The following TCF7L1 variants were observed in gnomAD, a reference collection of about 807,000 sequenced individuals.
The protein encoded by TCF7L1 is transcription factor 7 like 1, also known as transcription factor 7-like 1.
In TCF7L1, 18 loss-of-function variants were observed where a neutral mutation model predicts 63.7. That is an observed-to-expected ratio of 0.28 (90% CI 0.20 to 0.42). TCF7L1 has a LOEUF of 0.42. Among genes scored for constraint, TCF7L1 ranks in the 10% least tolerant of loss-of-function variants. The pLI is 1.00. For synonymous variants in TCF7L1, 355 were observed against 340.9 expected, an observed-to-expected ratio of 1.04 and a Z score of -0.46; for missense variants, 654 against 779.3, an observed-to-expected ratio of 0.84 and a Z score of 1.91.
rs1680831109 is a variant in TCF7L1, at chr2:85,260,381, A to T, written c.442-23114A>T. Among the ~76,000 whole-genome samples the T allele has an allele frequency of 4.6e-5, 7 of 152,120 alleles. No individual in the cohort carries two copies. In the South Asian group the frequency reaches 1.2e-3, roughly 27 times the overall value. ...GCCGGACGCAGTGGCTCATGTCTGT[A>T]ATCCCAACATTTTGGGAGGTTGAGG... On this transcript the variant is annotated intron_variant, in intron 3 of 11. Coordinates refer to ENST00000282111, the MANE Select transcript of TCF7L1 (RefSeq NM_031283.3).
chr2:85,275,512 A>G (rs1681250429), intron 3 of TCF7L1, among the ~76,000 whole-genome samples: 1 of 152,196 alleles, frequency 6.6e-6, no homozygotes, highest in African/African-American at 2.4e-5. Context: ...TTTACTATTC[A>G]GTTATGAAAT....
intron 3 of TCF7L1, among the ~76,000 whole-genome samples, chr2:85,190,190 G>A (rs1679013483): frequency 6.6e-6 from 1 of 152,174 alleles, no homozygotes; most frequent in Admixed American, 6.5e-5. Context: ...TATAGCCCCA[G>A]GCACACTGAT....
chr2:85,163,489 A>C (rs941011904), intron 3 of TCF7L1, among the ~76,000 whole-genome samples: 2 of 152,134 alleles, frequency 1.3e-5, no homozygotes, highest in African/African-American at 4.8e-5. Flanking sequence ...CTCCGAACAG[A>C]ATCTAATTTC....
chr2:85,183,070 G>A (rs1192398357), intron 3 of TCF7L1, among the ~76,000 whole-genome samples: 1 of 152,156 alleles, frequency 6.6e-6, no homozygotes, highest in Non-Finnish European at 1.5e-5. Flanking sequence ...TTCACTCCAA[G>A]GAAGCCTGAG....
chr2:85,307,815 G>A (rs1015400951), intron 11 of TCF7L1, 98 bp downstream of exon 11: 2 of 1,147,726 alleles, frequency 1.7e-6, no homozygotes, highest in Non-Finnish European at 2.6e-6. Flanking sequence ...CAGGGCTTCT[G>A]CCTCGGTATT....
Position 85,157,904 on chromosome 2 carries a change from C to T in TCF7L1, c.441+23454C>T, listed in dbSNP as rs751754319. ...CTTAAGGGAGGTCTCGGGGTTAATG[C>T]GAGGTGAGGGGCAGTTAGTGGTAAT... On this transcript the variant is annotated intron_variant, in intron 3 of 11. Transcript: ENST00000282111. Among the ~76,000 whole-genome samples the T allele has an allele frequency of 7.4e-4, 112 of 151,906 alleles. 1 individual carries two copies. Among genetic ancestry groups the T allele is most frequent in the Non-Finnish European group, 9.7e-4 (66 of 68,020 alleles).
intron 3 of TCF7L1, among the ~76,000 whole-genome samples, chr2:85,145,966 C>A (rs1176068406): frequency 2.0e-5 from 3 of 152,134 alleles, no homozygotes; most frequent in Non-Finnish European, 2.9e-5. Flanking sequence ...CCACCTCGAC[C>A]TCCCAAAGTG....
rs182618189 is a variant in TCF7L1 at position 85,199,424 on chromosome 2, A to G, written c.441+64974A>G. On this transcript the variant is annotated intron_variant, in intron 3 of 11. Coordinates refer to ENST00000282111, the MANE Select transcript of TCF7L1 (RefSeq NM_031283.3). ...GTTTGTCTCATGTTTATGAGAAAGG[A>G]TAAAATAACAGATATCTAAACCAAC... Among the ~76,000 whole-genome samples, 48 of 152,318 alleles carry G rather than the reference A, an allele frequency of 3.2e-4. No homozygotes were observed. In the Middle Eastern group the frequency reaches 0.01, roughly 32 times the overall value.
intron 3 of TCF7L1, among the ~76,000 whole-genome samples, chr2:85,216,445 A>G (rs1466402240): frequency 6.6e-6 from 1 of 152,160 alleles, no homozygotes; most frequent in East Asian, 1.9e-4. Context: ...TTCGGAAACG[A>G]TGGATTCCAA....
At chr2:85,143,387 A>G (rs944629074) in intron 3 of TCF7L1, among the ~76,000 whole-genome samples, 7 of 152,240 alleles carry the variant, frequency 4.6e-5, no homozygotes, top group Admixed American at 2.6e-4. Flanking sequence ...AGCCTCTTCA[A>G]TGCTGGCAAA....
At chr2:85,226,833 T>C (rs1444436904) in intron 3 of TCF7L1, among the ~76,000 whole-genome samples, 1 of 149,156 alleles carries the variant, frequency 6.7e-6, no homozygotes, top group Non-Finnish European at 1.5e-5. Flanking sequence ...TTTTTTTTTT[T>C]TAACCTCCCA....
intron 4 of TCF7L1, among the ~76,000 whole-genome samples, chr2:85,299,790 T>C (rs8179703): frequency 0.64 from 95,347 of 148,842 alleles, 31,168 homozygotes; most frequent in East Asian, 0.9. Context: ...GCCTGGGAGG[T>C]AGAGGCTGCA....
At chr2:85,159,297 G>A (rs778250920) in intron 3 of TCF7L1, among the ~76,000 whole-genome samples, 2 of 152,086 alleles carry the variant, frequency 1.3e-5, no homozygotes, top group Non-Finnish European at 2.9e-5. Flanking sequence ...CAGGCGCCCG[G>A]GGCTCCCTGG....
At chr2:85,240,311 C>T (rs566626629) in intron 3 of TCF7L1, among the ~76,000 whole-genome samples, 15 of 152,300 alleles carry the variant, frequency 9.8e-5, no homozygotes, top group Admixed American at 5.2e-4. Context: ...CAGAGGAAGC[C>T]GGGGGACTGC....
At chr2:85,152,270 T>G (rs940926281) in intron 3 of TCF7L1, among the ~76,000 whole-genome samples, 2 of 152,190 alleles carry the variant, frequency 1.3e-5, no homozygotes, top group Admixed American at 6.5e-5. Context: ...CAGACCACTG[T>G]CTGAACCCTA....
intron 3 of TCF7L1, among the ~76,000 whole-genome samples, chr2:85,156,748 G>A (rs1053228379): frequency 6.6e-6 from 1 of 152,130 alleles, no homozygotes; most frequent in South Asian, 2.1e-4. Flanking sequence ...ATCAAAGTTC[G>A]CATCTTATTA....
At chr2:85,135,362 A>G (rs1055950306) in intron 3 of TCF7L1, among the ~76,000 whole-genome samples, 5 of 152,022 alleles carry the variant, frequency 3.3e-5, no homozygotes, top group Admixed American at 6.6e-5. Flanking sequence ...GTGAACGCCT[A>G]CCTACTGTGT....
intron 3 of TCF7L1, among the ~76,000 whole-genome samples, chr2:85,195,390 C>A (rs1572986859): frequency 6.6e-6 from 1 of 152,144 alleles, no homozygotes; most frequent in East Asian, 1.9e-4. Context: ...GTCAAGGGTG[C>A]AGTGAGTTGT....
At chr2:85,160,829 G>A (rs147704304) in intron 3 of TCF7L1, among the ~76,000 whole-genome samples, 3,965 of 152,186 alleles carry the variant, frequency 0.026, 76 homozygotes, top group Non-Finnish European at 0.038. Context: ...CCAGCCTGGG[G>A]GACAGAGCAG....
Sources: gnomAD v4.1 joint callset for allele counts (sites outside exome capture counted in the v4.1 genomes callset) on GRCh38, gnomAD v4.1.1 for gene constraint, MANE v1.5 for transcripts, NCBI Gene and HGNC (gene_info 2026-07-23, HGNC 2026-07-21) for gene names.